The following JAK2 variants were observed in gnomAD, a reference collection of about 807,000 sequenced individuals.
JAK2 encodes Janus kinase 2.
JAK2 carries 86 observed loss-of-function variants against 139.3 expected under a neutral mutation model. The observed-to-expected ratio is 0.62, with a 90% CI of 0.52 to 0.74. The LOEUF (loss-of-function observed/expected upper bound fraction) is 0.74. Ranked by LOEUF, JAK2 falls within the 30% of genes least tolerant of loss-of-function variation. The probability of loss-of-function intolerance (pLI) is 0.00; values close to 1 mark genes in which losing one functional copy is unlikely to be tolerated. For missense variants in JAK2, 1,421 were observed against 1,360.3 expected, an observed-to-expected ratio of 1.04 and a Z score of -0.70; for synonymous variants, 490 against 437.7, an observed-to-expected ratio of 1.12 and a Z score of -1.49.
In JAK2 at chr9:5,126,879, CATT is replaced by C. The variant is rs1057515594; in HGVS notation, c.*94_*96del. On this transcript the variant is annotated 3_prime_UTR_variant, in exon 25 of 25. Transcript: ENST00000381652. Reference sequence around the variant, plus strand: ...TGCTGTGGACTATTATTACATATATCATTATTATATAAATCATGATGCTAGCCA... The same window carrying C: ...TGCTGTGGACTATTATTACATATATCATTATATAAATCATGATGCTAGCCA... 1.5e-6 allele frequency: 1 copy of C among 654,960 alleles called. No individual in the cohort carries two copies. The highest frequency in any genetic ancestry group is 2.5e-6 in the Non-Finnish European group (1 of 392,230). The allele number at this position is 654,960 out of a possible 1,614,324, so 40.6% of individuals were successfully genotyped here.
chr9:4,986,809 T>C (rs566628112), intron 2 of JAK2, among the ~76,000 whole-genome samples: 2 of 152,282 alleles, frequency 1.3e-5, no homozygotes, highest in South Asian at 4.1e-4. Context: ...CACTAAGTCA[T>C]TTGCAATATT....
At chr9:5,101,951 A>C (rs1821528451) in intron 22 of JAK2, among the ~76,000 whole-genome samples, 1 of 152,260 alleles carries the variant, frequency 6.6e-6, no homozygotes, top group Non-Finnish European at 1.5e-5. Context: ...GGGAGAAACC[A>C]GAGCAGAAAA....
At chr9:5,026,942 T>C (rs545199078) in intron 3 of JAK2, among the ~76,000 whole-genome samples, 2 of 152,370 alleles carry the variant, frequency 1.3e-5, no homozygotes, top group South Asian at 4.1e-4. Context: ...GACATAATTA[T>C]TAATGTATTG....
chr9:5,080,474 AAAG>A (rs1819612035), intron 17 of JAK2, 56 bp from the exon 18 acceptor site: 1 of 1,542,988 alleles, frequency 6.5e-7, no homozygotes, highest in East Asian at 2.3e-5. Flanking sequence ...CTAATTTTAA[AAAG>A]AAGGTTGGTG....
chr9:5,068,176 A>AC lies in JAK2; in HGVS notation c.1327-846_1327-845insC, dbSNP rs200843614. 5.6e-4 allele frequency among the ~76,000 whole-genome samples: 14 copies of AC among 25,100 alleles called. 1 individual carries two copies. Among genetic ancestry groups the AC allele is most frequent in the African/African-American group, 5.3e-3 (4 of 760 alleles). The allele number at this position is 25,100 out of a possible 152,430, so 16.5% of individuals were successfully genotyped here. On this transcript the variant is annotated intron_variant, in intron 10 of 24. Transcript: ENST00000381652. ...ACGGTCTCAAAAAAAAACAACAACAAAAAAAAAAAAAAACAAGAAAGGTTA... is the reference window on the plus strand; with the variant it reads ...ACGGTCTCAAAAAAAAACAACAACAACAAAAAAAAAAAAACAAGAAAGGTTA...
chr9:5,065,170 A>G, intron 9 of JAK2, 130 bp downstream of exon 9: 1 of 486,462 alleles, frequency 2.1e-6, no homozygotes, highest in South Asian at 5.6e-5. Flanking sequence ...ACAAAAGGCT[A>G]TTTGCAATCA....
chr9:5,044,486 T>G lies in JAK2; in HGVS notation c.434T>G (p.Leu145Arg). 6.2e-7 allele frequency: 1 copy of G among 1,611,382 alleles called. No individual in the cohort carries two copies. Among genetic ancestry groups the G allele is most frequent in the South Asian group, 1.1e-5 (1 of 90,788 alleles). Residue 145 changes from leucine to arginine, a missense_variant, in exon 5 of 25, where the codon CTT (leucine) becomes CGT (arginine). Transcript: ENST00000381652. Reference protein sequence around the residue: ...GISRGAEAPLLDDFVMSYLFA... With the variant: ...GISRGAEAPLRDDFVMSYLFA... ...TCTCGAGGTGCTGAAGCTCCTCTTCTTGATGACTTTGTCATGTCTTACCTC... is the reference window on the plus strand; with the variant it reads ...TCTCGAGGTGCTGAAGCTCCTCTTCGTGATGACTTTGTCATGTCTTACCTC...
At chr9:5,048,278 A>G (rs752280495) in intron 5 of JAK2, among the ~76,000 whole-genome samples, 2 of 151,958 alleles carry the variant, frequency 1.3e-5, no homozygotes, top group East Asian at 3.9e-4. Flanking sequence ...AGTAGCTGGG[A>G]TTACAGGTGC....
At chr9:4,998,255 G>GT (rs1156246570) in intron 2 of JAK2, among the ~76,000 whole-genome samples, 2 of 151,916 alleles carry the variant, frequency 1.3e-5, no homozygotes, top group Admixed American at 6.6e-5. Context: ...ACTCCAACGG[G>GT]TTTTTTTGTT....
intron 4 of JAK2, among the ~76,000 whole-genome samples, chr9:5,032,046 G>A (rs868838536): frequency 1.3e-5 from 2 of 152,134 alleles, no homozygotes; most frequent in East Asian, 3.9e-4. Flanking sequence ...CTGGAAAATC[G>A]GGTCACTCCC....
chr9:5,085,550 TAGA>T, intron 19 of JAK2: 1 of 698,630 alleles, frequency 1.4e-6, no homozygotes. Context: ...CGGGTTAAAA[TAGA>T]TATAACAGCT....
intron 22 of JAK2, among the ~76,000 whole-genome samples, chr9:5,095,178 C>A (rs1313489344): frequency 6.6e-6 from 1 of 152,094 alleles, no homozygotes; most frequent in Non-Finnish European, 1.5e-5. Context: ...GCTAAATAAG[C>A]TATTGGGCCC....
intron 4 of JAK2, among the ~76,000 whole-genome samples, chr9:5,033,117 G>A (rs911528397): frequency 2.6e-5 from 4 of 152,168 alleles, no homozygotes; most frequent in Admixed American, 6.5e-5. Context: ...CTCAGTAGCC[G>A]ATTCAATCAA....
intron 22 of JAK2, among the ~76,000 whole-genome samples, chr9:5,121,218 C>T (rs1399011795): frequency 6.6e-6 from 1 of 152,104 alleles, no homozygotes; most frequent in African/African-American, 2.4e-5. Context: ...AGCATTAGAG[C>T]AGGATGTGAT....
At chr9:5,053,130 C>T (rs935606648) in intron 6 of JAK2, among the ~76,000 whole-genome samples, 1 of 152,048 alleles carries the variant, frequency 6.6e-6, no homozygotes, top group East Asian at 1.9e-4. Context: ...AGAGTTCCAA[C>T]TCTTTCCGCA....
chr9:5,085,161 T>C (rs1001953427), intron 19 of JAK2: 2 of 650,292 alleles, frequency 3.1e-6, no homozygotes, highest in Non-Finnish European at 6.0e-6. Flanking sequence ...GAGCTCTGTC[T>C]ACATCTCCCG....
At chr9:5,110,847 G>GT in intron 22 of JAK2, 1 of 470,800 alleles carries the variant, frequency 2.1e-6, no homozygotes, top group Non-Finnish European at 4.1e-6. Context: ...AAGGTGGGGG[G>GT]GACGCTTCAT....
intron 4 of JAK2, among the ~76,000 whole-genome samples, chr9:5,033,454 T>G (rs1179156576): frequency 6.6e-6 from 1 of 152,148 alleles, no homozygotes; most frequent in Admixed American, 6.5e-5. Context: ...TCACCAAAGT[T>G]GAAATGAAGG....
At chr9:5,065,158 A>T in intron 9 of JAK2, 118 bp downstream of exon 9, 2 of 566,940 alleles carry the variant, frequency 3.5e-6, no homozygotes, top group Non-Finnish European at 5.6e-6. Flanking sequence ...AGTTTTTTTT[A>T]AACAAAAGGC....
Sources: allele counts gnomAD v4.1 joint callset (sites outside exome capture counted in the v4.1 genomes callset), GRCh38; gene constraint gnomAD v4.1.1; transcripts MANE v1.5; gene names NCBI Gene and HGNC (gene_info 2026-07-23, HGNC 2026-07-21).